The following STX8 variants were observed in gnomAD, a reference collection of about 807,000 sequenced individuals.
STX8 encodes syntaxin 8.
Under a neutral mutation model 37.5 loss-of-function variants are expected in STX8, and 23 were observed. That is an observed-to-expected ratio of 0.61 (90% CI 0.44 to 0.87). The LOEUF is 0.87. STX8 is among the 40% of genes least tolerant of loss of function. STX8 has a pLI of 0.00. For synonymous variants in STX8, 115 were observed against 99.1 expected (o/e 1.16, Z -0.95); for missense variants, 313 against 284.7 (o/e 1.10, Z -0.71).
intron 6 of STX8, among the ~76,000 whole-genome samples, chr17:9,430,143 A>T (rs1254201127): frequency 1.8e-4 from 18 of 101,546 alleles, no homozygotes; most frequent in Admixed American, 1.7e-3. Context: ...AATATATATA[A>T]TTTATATATA....
chr17:9,523,638 A>G (rs1452693121), intron 4 of STX8, among the ~76,000 whole-genome samples: 1 of 152,226 alleles, frequency 6.6e-6, no homozygotes, highest in Non-Finnish European at 1.5e-5. Context: ...AATGATTTCC[A>G]TCTTTGTCTC....
At position 9,547,246 on chromosome 17, in the gene STX8, C is replaced by CAAAAAAAAAAA. The variant is rs11300957; in HGVS notation, c.213-1975_213-1965dup. 362 of 129,596 alleles carry CAAAAAAAAAAA rather than the reference C, an allele frequency of 2.8e-3. 8 individuals are homozygous for CAAAAAAAAAAA. Among genetic ancestry groups the CAAAAAAAAAAA allele is most frequent in the African/African-American group, 0.011 (352 of 32,840 alleles). The allele number at this position is 129,596 out of a possible 1,614,324, so 8.0% of individuals were successfully genotyped here. A position where few individuals can be genotyped will look rare whatever the true frequency, so the allele number is the denominator to read the frequency against. On this transcript the variant is annotated intron_variant, in intron 3 of 7. Coordinates refer to ENST00000306357, the MANE Select transcript of STX8 (RefSeq NM_004853.3). ...CTGGTGAAAGAGCGAGACTCTGTCT[C>CAAAAAAAAAAA]AAAAAAAAAAAAAAAAAAAAGAAAA...
At chr17:9,419,061 C>CT (rs1332388494) in intron 6 of STX8, among the ~76,000 whole-genome samples, 3 of 151,388 alleles carry the variant, frequency 2.0e-5, no homozygotes, top group African/African-American at 7.3e-5. Context: ...GTAGCTGGGA[C>CT]TACAGACCTG....
chr17:9,313,866 G>A lies in STX8; in HGVS notation c.644-63221C>T, dbSNP rs369408170. ...AGGATGGTCTCGATCTCCTGACCTC[G>A]TGATCCACCTGCCTCGGCCTCCTAA... is the stretch of plus-strand genomic sequence containing the variant. On this transcript the variant is annotated intron_variant, in intron 7 of 7. Coordinates refer to ENST00000306357, the MANE Select transcript of STX8 (RefSeq NM_004853.3). Among the ~76,000 whole-genome samples, 16 of 152,108 alleles carry A rather than the reference G, an allele frequency of 1.1e-4. No homozygotes were observed. In the East Asian group the frequency reaches 1.5e-3, roughly 15 times the overall value.
chr17:9,387,729 T>C (rs1912065809), intron 6 of STX8, among the ~76,000 whole-genome samples: 1 of 152,188 alleles, frequency 6.6e-6, no homozygotes, highest in Non-Finnish European at 1.5e-5. Context: ...ACAATCAGTA[T>C]TGCGTGATGC....
chr17:9,495,946 G>A (rs1051892641), intron 5 of STX8, among the ~76,000 whole-genome samples: 1 of 152,168 alleles, frequency 6.6e-6, no homozygotes, highest in East Asian at 1.9e-4. Context: ...TCAGCTATTC[G>A]GGAGGCTAAG....
intron 7 of STX8, among the ~76,000 whole-genome samples, chr17:9,375,071 A>T (rs965663794): frequency 4.1e-5 from 6 of 146,232 alleles, no homozygotes; most frequent in African/African-American, 1.6e-4. Flanking sequence ...CTCAAAAAAA[A>T]AAAAAAAAAA....
chr17:9,532,489 G>A (rs1005247782), intron 4 of STX8, among the ~76,000 whole-genome samples: 2 of 152,020 alleles, frequency 1.3e-5, no homozygotes, highest in Non-Finnish European at 2.9e-5. Flanking sequence ...TTCTGGAAGG[G>A]CACACACACA....
At chr17:9,462,589 G>T (rs1011694591) in intron 6 of STX8, among the ~76,000 whole-genome samples, 7 of 152,080 alleles carry the variant, frequency 4.6e-5, no homozygotes, top group Non-Finnish European at 1.0e-4. Context: ...TGGGCGTGGT[G>T]GCAGGTGCCT....
chr17:9,448,312 G>A (rs1258061961), intron 6 of STX8, among the ~76,000 whole-genome samples: 1 of 152,148 alleles, frequency 6.6e-6, no homozygotes, highest in African/African-American at 2.4e-5. Context: ...TGCACAGAGA[G>A]GCAAAAAGTC....
intron 6 of STX8, among the ~76,000 whole-genome samples, chr17:9,395,613 G>T (rs1912374036): frequency 6.6e-6 from 1 of 152,056 alleles, no homozygotes; most frequent in African/African-American, 2.4e-5. Context: ...GCACAAATAT[G>T]GTACAGGCTA....
chr17:9,430,076 T>TAATATATATATTCTATAG (rs1567557334), intron 6 of STX8, among the ~76,000 whole-genome samples: 16 of 60,042 alleles, frequency 2.7e-4, no homozygotes, highest in African/African-American at 1.2e-3. Context: ...ATATTCTATA[T>TAATATATATATTCTATAG]AATATATATA....
chr17:9,418,064 C>T (rs532399850), intron 6 of STX8, among the ~76,000 whole-genome samples: 10 of 152,268 alleles, frequency 6.6e-5, no homozygotes, highest in Admixed American at 3.9e-4. Context: ...TTTGTAGCCA[C>T]GTTGGACAGA....
chr17:9,370,222 A>C (rs1208080621), intron 7 of STX8, among the ~76,000 whole-genome samples: 1 of 152,178 alleles, frequency 6.6e-6, no homozygotes, highest in Middle Eastern at 3.2e-3. Context: ...CTCAAAAAAC[A>C]AAAATGAATT....
chr17:9,451,388 C>T (rs1363432833), intron 6 of STX8, among the ~76,000 whole-genome samples: 1 of 152,170 alleles, frequency 6.6e-6, no homozygotes, highest in African/African-American at 2.4e-5. Flanking sequence ...AAGGCATCAT[C>T]TCCACGTTTA....
intron 7 of STX8, among the ~76,000 whole-genome samples, chr17:9,252,398 T>C (rs879310488): frequency 1.3e-5 from 2 of 150,046 alleles, no homozygotes; most frequent in Non-Finnish European, 3.0e-5. Context: ...GAGCCGAGAT[T>C]GCGCCACTGC....
At chr17:9,336,587 C>A (rs1405123698) in intron 7 of STX8, among the ~76,000 whole-genome samples, 1 of 151,996 alleles carries the variant, frequency 6.6e-6, no homozygotes, top group Non-Finnish European at 1.5e-5. Context: ...AGGCGCCCGC[C>A]AACACGTCCA....
chr17:9,573,894 A>C (rs1816819079), intron 1 of STX8, among the ~76,000 whole-genome samples: 1 of 152,162 alleles, frequency 6.6e-6, no homozygotes. Flanking sequence ...ATGATAAAAC[A>C]AAACAAAACA....
At chr17:9,286,765 T>C (rs1908087964) in intron 7 of STX8, among the ~76,000 whole-genome samples, 1 of 149,630 alleles carries the variant, frequency 6.7e-6, no homozygotes, top group Non-Finnish European at 1.5e-5. Context: ...TCCTGATGAA[T>C]ATTGTTCGGT....
Sources: allele counts gnomAD v4.1 joint callset (sites outside exome capture counted in the v4.1 genomes callset), GRCh38; gene constraint gnomAD v4.1.1; transcripts MANE v1.5; gene names NCBI Gene and HGNC (gene_info 2026-07-23, HGNC 2026-07-21).